HVCN1: variants seen among roughly 807,000 people sequenced by gnomAD.
HVCN1 encodes hydrogen voltage gated channel 1, also known as voltage-gated hydrogen channel 1.
In HVCN1, 14 loss-of-function variants were observed where a neutral mutation model predicts 29.2. That is an observed-to-expected ratio of 0.48 (90% CI 0.32 to 0.75). The LOEUF is 0.75. Ranked by LOEUF, HVCN1 falls within the 30% of genes least tolerant of loss-of-function variation. HVCN1 has a pLI of 0.04. For missense variants in HVCN1, 263 were observed against 341.8 expected (o/e 0.77, Z 1.82); for synonymous variants, 131 against 133.2 (o/e 0.98, Z 0.11).
At chr12:110,655,401 C>T in intron 4 of HVCN1, 63 bp from the exon 5 acceptor site, 1 of 1,281,462 alleles carries the variant, frequency 7.8e-7, no homozygotes, top group Non-Finnish European at 1.1e-6. Context: ...CCTCTCCCAT[C>T]ATTAAGAGCT....
rs147424254 is a variant in HVCN1, at chr12:110,683,230, C to G, written c.16G>C (p.Glu6Gln). The stretch of plus-strand genomic sequence containing the variant: ...AAGACCACAGAATCCATTACCTTTT[C>G]GTCCCAGGTGGCCATGTCCCTGTTG... The part of the protein sequence containing the change: MATWD[E>Q]KAVTRRAKVA... Residue 6 changes from glutamate to glutamine, a missense_variant, in exon 3 of 8, where the codon GAA becomes CAA. Coordinates refer to ENST00000242607, the MANE Select transcript of HVCN1 (RefSeq NM_032369.4). The G allele has an allele frequency of 6.2e-7, 1 of 1,612,528 alleles. No individual in the cohort carries two copies. Among genetic ancestry groups the G allele is most frequent in the African/African-American group, 1.3e-5 (1 of 74,816 alleles).
Position 110,649,288 on chromosome 12 carries a change from G to A in HVCN1, c.*122C>T. 1 of 753,630 alleles carries A rather than the reference G, an allele frequency of 1.3e-6. No homozygotes were observed. Among genetic ancestry groups the A allele is most frequent in the Non-Finnish European group, 2.3e-6 (1 of 425,876 alleles). The allele number at this position is 753,630 out of a possible 1,614,324, so 46.7% of individuals were successfully genotyped here. A position where few individuals can be genotyped will look rare whatever the true frequency, so the allele number is the denominator to read the frequency against. ...GTCCACCCAGAATCCATGCTGGCAG[G>A]AGGGAGGCAGAGGTATCAAACCAAA... On this transcript the variant is annotated 3_prime_UTR_variant, in exon 8 of 8. Coordinates refer to ENST00000242607, the MANE Select transcript of HVCN1 (RefSeq NM_032369.4).
intron 2 of HVCN1, among the ~76,000 whole-genome samples, chr12:110,699,908 C>G (rs559323428): frequency 1.6e-4 from 24 of 152,192 alleles, no homozygotes; most frequent in African/African-American, 5.5e-4. Flanking sequence ...TGTAAGTTGC[C>G]TCCGTTCCAC....
At chr12:110,650,665 C>CT (rs539506505) in intron 6 of HVCN1, among the ~76,000 whole-genome samples, 7 of 149,922 alleles carry the variant, frequency 4.7e-5, no homozygotes, top group Admixed American at 2.7e-4. Context: ...AACTGAAAGG[C>CT]TTTTTTTTCT....
intron 3 of HVCN1, among the ~76,000 whole-genome samples, chr12:110,662,366 C>A (rs1459829277): frequency 6.6e-6 from 1 of 152,204 alleles, no homozygotes; most frequent in Admixed American, 6.5e-5. Context: ...CCAGTAACTT[C>A]ATGAGCTTAG....
chr12:110,660,812 T>C (rs563688636), intron 4 of HVCN1, among the ~76,000 whole-genome samples: 158 of 152,324 alleles, frequency 1.0e-3, no homozygotes, highest in Non-Finnish European at 1.8e-3. Context: ...CTGGCTTCTT[T>C]CCCTCAGCAC....
upstream of HVCN1, among the ~76,000 whole-genome samples, chr12:110,690,139 G>A (rs147218855): frequency 1.5e-3 from 221 of 152,338 alleles, 1 homozygote; most frequent in Middle Eastern, 6.8e-3. Context: ...AGGCGCCAGG[G>A]TAGTGTGTTC....
rs901470267 is a variant in HVCN1 at position 110,658,128 on chromosome 12, G to A, written c.307-2790C>T. On this transcript the variant is annotated intron_variant, in intron 4 of 7. Coordinates refer to ENST00000242607, the MANE Select transcript of HVCN1 (RefSeq NM_032369.4). This position sits in a 1 kb window ranked among gnomAD's most constrained non-coding sequence, Gnocchi z 5.0. ...GACCACTTTCCCTTGGCTCCACTCT[G>A]TCCTGTCATTCATGGCTTCCTTGGG... Among the ~76,000 whole-genome samples the A allele has an allele frequency of 2.0e-5, 3 of 152,118 alleles. No homozygotes were observed. Among genetic ancestry groups the A allele is most frequent in the African/African-American group, 7.2e-5 (3 of 41,414 alleles).
intron 2 of HVCN1, among the ~76,000 whole-genome samples, chr12:110,695,371 TACACACACACAC>T (rs59165683): frequency 2.0e-5 from 3 of 147,966 alleles, no homozygotes; most frequent in African/African-American, 5.0e-5. Context: ...TTATTTTGTG[TACACACACACAC>T]ACACACACAC....
intron 3 of HVCN1, among the ~76,000 whole-genome samples, chr12:110,669,926 C>T (rs2068515276): frequency 6.6e-6 from 1 of 152,142 alleles, no homozygotes; most frequent in African/African-American, 2.4e-5. Flanking sequence ...CATGGTGGCA[C>T]ATGCCTGTAA....
chr12:110,703,275 G>A (rs1421842222), intron 1 of HVCN1, among the ~76,000 whole-genome samples: 7 of 150,210 alleles, frequency 4.7e-5, no homozygotes, highest in Non-Finnish European at 8.9e-5. Flanking sequence ...TGTAGTCCCA[G>A]CTACTTGAGA....
upstream of HVCN1, among the ~76,000 whole-genome samples, chr12:110,691,805 G>A (rs2069411112): frequency 2.0e-5 from 3 of 152,046 alleles, no homozygotes; most frequent in South Asian, 4.2e-4. Flanking sequence ...CAGAGGCATC[G>A]CTCAGTCTTC....
chr12:110,672,283 A>G (rs1007345071), intron 3 of HVCN1, among the ~76,000 whole-genome samples: 10 of 152,124 alleles, frequency 6.6e-5, no homozygotes, highest in African/African-American at 2.4e-4. Context: ...CTTGGTTTCT[A>G]TCAACATTTA....
rs2068163278 is a variant in HVCN1 at position 110,661,343 on chromosome 12, T to C, written c.127A>G (p.Lys43Glu). The change falls in exon 4 of 8, where the codon AAG becomes GAG. Residue 43 changes from lysine (K) to glutamate (E), a missense_variant. Transcript: ENST00000242607. This position sits in a 1 kb window ranked among gnomAD's most constrained non-coding sequence, Gnocchi z 6.2. ...TCCTCCTCTTCATTCTCCCATTTCT[T>C]GTAGTTGATGTTCCAGGCATGGTAG... ...DDYHAWNINY[K>E]KWENEEEEEE... 6.2e-7 allele frequency: 1 copy of C among 1,614,150 alleles called. No individual in the cohort carries two copies. Among genetic ancestry groups the C allele is most frequent in the Non-Finnish European group, 8.5e-7 (1 of 1,180,000 alleles).
At chr12:110,683,952 A>G (rs1247300337) in intron 2 of HVCN1, among the ~76,000 whole-genome samples, 3 of 151,770 alleles carry the variant, frequency 2.0e-5, no homozygotes, top group Non-Finnish European at 4.4e-5. Flanking sequence ...AGAGAAATAA[A>G]GTATTGATAC....
chr12:110,655,548 T>C (rs568289274), intron 4 of HVCN1, among the ~76,000 whole-genome samples: 1 of 152,322 alleles, frequency 6.6e-6, no homozygotes, highest in Admixed American at 6.5e-5. Flanking sequence ...GCCAGCCTCC[T>C]TCCCGCCACC....
At chr12:110,688,103 C>CGG (rs2069264837) in intron 2 of HVCN1, 1 of 152,416 alleles carries the variant, frequency 6.6e-6, no homozygotes, top group Non-Finnish European at 1.5e-5. Context: ...AGGGGCAGGA[C>CGG]GGAGGGTGGA....
chr12:110,666,459 G>T (rs1306906086), intron 3 of HVCN1, among the ~76,000 whole-genome samples: 1 of 151,118 alleles, frequency 6.6e-6, no homozygotes, highest in African/African-American at 2.4e-5. Context: ...AAAGATCAAT[G>T]AACTTAAAGA....
chr12:110,661,356 CCAGGCATGGTAGT>C lies in HVCN1; in HGVS notation c.101_113del (p.Asp34GlyfsTer55). The C allele has an allele frequency of 6.2e-7, 1 of 1,614,178 alleles. No individual in the cohort carries two copies. The highest frequency in any genetic ancestry group is 8.5e-7 in the Non-Finnish European group (1 of 1,180,040). On this transcript the variant is annotated frameshift_variant, in exon 4 of 8. Transcript: ENST00000242607. LOFTEE classifies it high-confidence loss of function. This position sits in a 1 kb window ranked among gnomAD's most constrained non-coding sequence, Gnocchi z 6.2. ...TCTCCCATTTCTTGTAGTTGATGTT[CCAGGCATGGTAGT>C]CGTCTCCCACGACCGTGAAGTGCCT...
Sources: allele counts gnomAD v4.1 joint callset (sites outside exome capture counted in the v4.1 genomes callset), GRCh38; gene constraint gnomAD v4.1.1; non-coding constraint Gnocchi (gnomAD v3.1); transcripts MANE v1.5; gene names NCBI Gene and HGNC (gene_info 2026-07-23, HGNC 2026-07-21).